DNAJC1: variants seen among roughly 807,000 people sequenced by gnomAD.
DNAJC1 encodes dnaJ homolog subfamily C member 1.
A neutral mutation model predicts 76.6 loss-of-function variants in DNAJC1; 58 were observed. The ratio of observed to expected loss-of-function variants is 0.76; its 90% confidence interval spans 0.61 to 0.94. DNAJC1 has a LOEUF of 0.94. Among genes scored for constraint, DNAJC1 ranks in the 40% least tolerant of loss-of-function variants. The pLI, the probability that DNAJC1 is intolerant of heterozygous loss-of-function variation, is 0.00. For missense variants in DNAJC1, 689 were observed against 677.3 expected (o/e 1.02, Z -0.19); for synonymous variants, 258 against 267.9 (o/e 0.96, Z 0.36).
At chr10:21,953,143 A>G (rs1837624950) in intron 1 of DNAJC1, among the ~76,000 whole-genome samples, 1 of 152,060 alleles carries the variant, frequency 6.6e-6, no homozygotes, top group Non-Finnish European at 1.5e-5. Flanking sequence ...TTAAAAAATT[A>G]TTTTACATTA....
At chr10:21,882,465 T>A in intron 7 of DNAJC1, 26 bp from the exon 8 acceptor site, 1 of 1,385,380 alleles carries the variant, frequency 7.2e-7, no homozygotes, top group Non-Finnish European at 9.7e-7. Context: ...AAGAACCAAT[T>A]ATTGAGATTT....
intron 8 of DNAJC1, among the ~76,000 whole-genome samples, chr10:21,848,322 G>A (rs1465546260): frequency 1.3e-5 from 2 of 152,068 alleles, no homozygotes; most frequent in Non-Finnish European, 2.9e-5. Context: ...CTATTGAGTT[G>A]AGTTTCTTAT....
At chr10:21,848,372 C>A (rs1835694416) in intron 8 of DNAJC1, among the ~76,000 whole-genome samples, 1 of 152,120 alleles carries the variant, frequency 6.6e-6, no homozygotes, top group Non-Finnish European at 1.5e-5. Flanking sequence ...GAATAGTTTG[C>A]AAATATTTTC....
intron 5 of DNAJC1, among the ~76,000 whole-genome samples, chr10:21,919,079 G>C (rs1369605737): frequency 1.3e-5 from 2 of 151,936 alleles, no homozygotes. Context: ...AATATATATA[G>C]CATGTAAGAG....
chr10:21,935,710 T>C (rs1837301312), intron 1 of DNAJC1, among the ~76,000 whole-genome samples: 1 of 149,358 alleles, frequency 6.7e-6, no homozygotes, highest in African/African-American at 2.5e-5. Flanking sequence ...AAAGAAAGAG[T>C]CCCGAAAGCA....
chr10:21,911,597 A>T (rs899302640), intron 6 of DNAJC1, among the ~76,000 whole-genome samples: 1 of 152,154 alleles, frequency 6.6e-6, no homozygotes, highest in Non-Finnish European at 1.5e-5. Context: ...CACAGCCTAA[A>T]AACTATTTTT....
chr10:21,942,129 A>C (rs749148359), intron 1 of DNAJC1, among the ~76,000 whole-genome samples: 14 of 152,220 alleles, frequency 9.2e-5, no homozygotes, highest in Non-Finnish European at 2.1e-4. Context: ...AAAACCAAAA[A>C]GGCAGAAAAC....
intron 8 of DNAJC1, among the ~76,000 whole-genome samples, chr10:21,814,539 G>A (rs1371691308): frequency 6.6e-6 from 1 of 152,232 alleles, no homozygotes; most frequent in Non-Finnish European, 1.5e-5. Context: ...GGGGCAGGGT[G>A]TGTAATGCTT....
At chr10:21,764,258 T>C (rs915093874) in intron 10 of DNAJC1, among the ~76,000 whole-genome samples, 2 of 152,162 alleles carry the variant, frequency 1.3e-5, no homozygotes, top group Non-Finnish European at 2.9e-5. Flanking sequence ...TAAAACAGTA[T>C]TGCGGTACAG....
At chr10:21,783,151 C>T (rs895339023) in intron 9 of DNAJC1, among the ~76,000 whole-genome samples, 5 of 152,184 alleles carry the variant, frequency 3.3e-5, no homozygotes, top group Middle Eastern at 3.4e-3. Context: ...TTTAGAAAAC[C>T]CCATCATCTC....
intron 9 of DNAJC1, among the ~76,000 whole-genome samples, chr10:21,790,291 TC>T (rs1834668352): frequency 6.6e-6 from 1 of 151,734 alleles, no homozygotes; most frequent in African/African-American, 2.4e-5. Context: ...GTTGAAAACT[TC>T]CCAAATCTGG....
At chr10:21,820,168 T>C (rs1396701390) in intron 8 of DNAJC1, among the ~76,000 whole-genome samples, 3 of 152,226 alleles carry the variant, frequency 2.0e-5, no homozygotes, top group Non-Finnish European at 4.4e-5. Flanking sequence ...ATTCTGGGCA[T>C]TTCATAAAAA....
chr10:21,926,110 C>T (rs894987775), intron 3 of DNAJC1, among the ~76,000 whole-genome samples: 1 of 152,144 alleles, frequency 6.6e-6, no homozygotes. Flanking sequence ...TGCCACCACG[C>T]CAGGCTAACT....
At chr10:21,894,191 A>G (rs1025836140) in intron 7 of DNAJC1, among the ~76,000 whole-genome samples, 1 of 152,236 alleles carries the variant, frequency 6.6e-6, no homozygotes, top group African/African-American at 2.4e-5. Context: ...CAAAGAAAGA[A>G]ATATTCAGGC....
chr10:21,758,196 A>G (rs1480519915), intron 11 of DNAJC1, among the ~76,000 whole-genome samples: 1 of 152,156 alleles, frequency 6.6e-6, no homozygotes, highest in East Asian at 1.9e-4. Context: ...ATTTTCCAAC[A>G]TAGAATTTCA....
intron 8 of DNAJC1, among the ~76,000 whole-genome samples, chr10:21,827,846 T>C (rs72804398): frequency 0.038 from 5,788 of 152,314 alleles, 196 homozygotes; most frequent in African/African-American, 0.09. Context: ...ATCATTATTC[T>C]CCTTTTGGAC....
At chr10:21,776,700 G>A (rs1428845581) in intron 9 of DNAJC1, among the ~76,000 whole-genome samples, 1 of 152,232 alleles carries the variant, frequency 6.6e-6, no homozygotes, top group South Asian at 2.1e-4. Context: ...AAACTTTTCT[G>A]TGGATTATCT....
chr10:21,895,215 G>A (rs1167182886), intron 7 of DNAJC1, among the ~76,000 whole-genome samples: 6 of 152,172 alleles, frequency 3.9e-5, no homozygotes, highest in African/African-American at 1.2e-4. Flanking sequence ...CTGCAGAAGA[G>A]GAGAGCTGTA....
At position 21,759,312 on chromosome 10, in the gene DNAJC1, A is replaced by G; in HGVS notation, c.1454T>C (p.Leu485Pro). ...TGCAGACCGAGCTCTCTCTTTTCTC[A>G]GGCTCTCCTCGTCGCTGGACTCGTT... The part of the protein sequence containing the change: ...EQNESSDEES[L>P]RKERARSAEE... Residue 485 changes from leucine (L) to proline (P), a missense_variant, in exon 11 of 12, where the codon CTG (leucine) becomes CCG (proline). By Grantham distance (98) the Leu-to-Pro change is moderately conservative (BLOSUM62 -3). Coordinates refer to ENST00000376980, the MANE Select transcript of DNAJC1 (RefSeq NM_022365.4). The G allele has an allele frequency of 6.2e-7, 1 of 1,614,140 alleles. No individual in the cohort carries two copies. Among genetic ancestry groups the G allele is most frequent in the African/African-American group, 1.3e-5 (1 of 75,006 alleles).
Sources: gnomAD v4.1 joint callset for allele counts (sites outside exome capture counted in the v4.1 genomes callset) on GRCh38, gnomAD v4.1.1 for gene constraint, MANE v1.5 for transcripts, NCBI Gene and HGNC (gene_info 2026-07-23, HGNC 2026-07-21) for gene names.